Variants in APC observed in about 807,000 individuals in gnomAD.
APC encodes the protein APC regulator of Wnt signaling pathway, also known as adenomatous polyposis coli protein.
Under a neutral mutation model 247.0 loss-of-function variants are expected in APC, and 72 were observed. The ratio of observed to expected loss-of-function variants is 0.29; its 90% CI spans 0.24 to 0.35. APC has a LOEUF of 0.35. Ranked by LOEUF, APC falls within the 10% of genes least tolerant of loss-of-function variation. The pLI is 1.00. For missense variants in APC, 3,400 were observed against 3,360.7 expected, an observed-to-expected ratio of 1.01 and a Z score of -0.29; for synonymous variants, 1,254 against 1,162.5, an observed-to-expected ratio of 1.08 and a Z score of -1.60.
intron 1 of APC, among the ~76,000 whole-genome samples, chr5:112,726,294 A>T (rs1329148506): frequency 6.6e-6 from 1 of 152,170 alleles, no homozygotes; most frequent in Non-Finnish European, 1.5e-5. Context: ...GGATGAATGC[A>T]TGGGTTTTAT....
In APC at chr5:112,722,266, T is replaced by C. The variant is rs548375992; in HGVS notation, c.165+14384T>C. Among the ~76,000 whole-genome samples, 3 of 152,366 alleles carry C rather than the reference T, an allele frequency of 2.0e-5. No individual in the cohort carries two copies. The South Asian group carries it at 6.2e-4, about 32-fold the overall frequency. On this transcript the variant is annotated intron_variant, in intron 1 of 13. Transcript: ENST00000507379. ...AGTTACATAAATTTCCATACTATTA[T>C]GGCATTTTAAACACTGTGTGTTTCA...
chr5:112,739,884 A>G (rs1752796542), intron 1 of APC, among the ~76,000 whole-genome samples: 1 of 152,190 alleles, frequency 6.6e-6, no homozygotes, highest in East Asian at 1.9e-4. Flanking sequence ...ACCTTTTACC[A>G]TTTTAACAGC....
chr5:112,724,033 T>C (rs1260753250), intron 1 of APC, among the ~76,000 whole-genome samples: 1 of 152,190 alleles, frequency 6.6e-6, no homozygotes. Context: ...TCTGATCTTT[T>C]AACGGCTCCC....
Position 112,837,783 on chromosome 5 carries a change from T to C in APC, c.2189T>C (p.Met730Thr), listed in dbSNP as rs2149862828. 1 of 1,614,094 alleles carries C rather than the reference T, an allele frequency of 6.2e-7. No individual in the cohort carries two copies. The highest frequency in any genetic ancestry group is 8.5e-7 in the Non-Finnish European group (1 of 1,180,022). Residue 730 changes from methionine (M) to threonine (T), a missense_variant, in exon 16 of 16, where the codon ATG (methionine) becomes ACG (threonine). Met to Thr is a moderately conservative substitution (Grantham distance 81). Transcript: ENST00000257430. ...MGSAAALRNL[M>T]ANRPAKYKDA... ...AGTGCTGCAGCTTTAAGGAATCTCA[T>C]GGCAAATAGGCCTGCGAAGTACAAG...
In APC at chr5:112,815,576, A is replaced by G. The variant is rs1554079212; in HGVS notation, c.916A>G (p.Ser306Gly). Reference protein sequence around the residue: ...STHSAPRRLTSHLGTKVEMVY... With the variant: ...STHSAPRRLTGHLGTKVEMVY... ...ACACTCTGCACCTCGAAGGCTGACA[A>G]GTCATCTGGGAACCAAGGTAACAGA... The change falls in exon 9 of 16, where the codon AGT (serine) becomes GGT (glycine). Residue 306 changes from serine to glycine, a missense_variant. Coordinates refer to ENST00000257430, the MANE Select transcript of APC (RefSeq NM_000038.6). The G allele has an allele frequency of 6.2e-7, 1 of 1,611,238 alleles. No individual in the cohort carries two copies.
Position 112,845,446 on chromosome 5 carries a change from T to A in APC, c.*1320T>A, listed in dbSNP as rs373883680. The A allele has an allele frequency of 1.3e-5, 3 of 233,160 alleles. No individual in the cohort carries two copies. Among genetic ancestry groups the A allele is most frequent in the East Asian group, 1.2e-4 (2 of 16,530 alleles). The allele number at this position is 233,160 out of a possible 1,614,324, so 14.4% of individuals were successfully genotyped here. ...GTGTAAACTGTCTTGCCCCTTCATC[T>A]TCTTGTTGCAACTGGGTCTGACATG... On this transcript the variant is annotated 3_prime_UTR_variant, in exon 16 of 16. Coordinates refer to ENST00000257430, the MANE Select transcript of APC (RefSeq NM_000038.6).
chr5:112,832,811 G>T (rs928563920), intron 14 of APC, among the ~76,000 whole-genome samples: 1 of 152,070 alleles, frequency 6.6e-6, no homozygotes, highest in Non-Finnish European at 1.5e-5. Context: ...TTTTTCTTTG[G>T]AGCACTTTGT....
At chr5:112,738,176 C>T (rs551839067) in intron 1 of APC, among the ~76,000 whole-genome samples, 2 of 152,180 alleles carry the variant, frequency 1.3e-5, no homozygotes, top group African/African-American at 4.8e-5. Context: ...GGGGAGTCTG[C>T]TGAGAAAAGC....
intron 9 of APC, 110 bp downstream of exon 9, chr5:112,815,703 A>G (rs1036138123): frequency 2.6e-6 from 2 of 775,804 alleles, no homozygotes; most frequent in Middle Eastern, 2.6e-4. Context: ...TGGGAGGCCA[A>G]GGCAGGTGGA....
intron 1 of APC, among the ~76,000 whole-genome samples, chr5:112,749,956 C>G (rs1240419219): frequency 8.4e-6 from 1 of 118,372 alleles, no homozygotes; most frequent in Admixed American, 8.3e-5. Flanking sequence ...TTCTTTTTCT[C>G]TTTTTTTTTT....
intron 11 of APC, among the ~76,000 whole-genome samples, chr5:112,826,867 A>C (rs1763715656): frequency 6.6e-6 from 1 of 152,186 alleles, no homozygotes; most frequent in South Asian, 2.1e-4. Context: ...TCGCTCAGCA[A>C]GATAAGGGGC....
chr5:112,799,378 T>C (rs1392932728), intron 7 of APC, among the ~76,000 whole-genome samples: 2 of 151,668 alleles, frequency 1.3e-5, no homozygotes, highest in African/African-American at 4.9e-5. Context: ...AATGTAGGAG[T>C]AATACTCCAC....
Position 112,837,717 on chromosome 5 carries a change from A to G in APC, c.2123A>G (p.Lys708Arg), listed in dbSNP as rs587778030. 4 of 1,614,078 alleles carry G rather than the reference A, an allele frequency of 2.5e-6. No individual in the cohort carries two copies. The Admixed American group carries it at 5.0e-5, about 20-fold the overall frequency. ...GACATGGGGGCAGTTAGCATGCTCA[A>G]GAACCTCATTCATTCAAAGCACAAA... ...LWDMGAVSML[K>R]NLIHSKHKMI... The change falls in exon 16 of 16, where the codon AAG becomes AGG. Residue 708 changes from lysine to arginine, a missense_variant. By Grantham distance (26) the Lys-to-Arg change is conservative. This residue lies in a region of APC where 184 missense variants were observed against 248.0 expected (regional missense o/e 0.74). Coordinates refer to ENST00000257430, the MANE Select transcript of APC (RefSeq NM_000038.6).
chr5:112,801,629 TTG>T (rs2149713527), intron 8 of APC, among the ~76,000 whole-genome samples: 1 of 151,922 alleles, frequency 6.6e-6, no homozygotes, highest in African/African-American at 2.4e-5. Flanking sequence ...TCTAAAATGA[TTG>T]TGAGTAGTTT....
intron 7 of APC, among the ~76,000 whole-genome samples, chr5:112,797,921 G>A (rs1177699622): frequency 1.3e-5 from 2 of 152,136 alleles, no homozygotes; most frequent in Admixed American, 6.5e-5. Context: ...AATCATAAAG[G>A]CAATAATAAG....
intron 4 of APC, among the ~76,000 whole-genome samples, chr5:112,772,598 C>T (rs1036582134): frequency 6.6e-6 from 1 of 151,664 alleles, no homozygotes; most frequent in Admixed American, 6.6e-5. Flanking sequence ...CTCACTGCAA[C>T]CTCCGCCTCC....
At chr5:112,821,477 C>T (rs1228029332) in intron 10 of APC, among the ~76,000 whole-genome samples, 1 of 151,128 alleles carries the variant, frequency 6.6e-6, no homozygotes, top group Non-Finnish European at 1.5e-5. Flanking sequence ...CCACTCGAGC[C>T]TGGGCAACAG....
chr5:112,778,947 A>C (rs984087106), intron 5 of APC, among the ~76,000 whole-genome samples: 1 of 152,194 alleles, frequency 6.6e-6, no homozygotes. Flanking sequence ...AAATAGACAA[A>C]AAGGTAAAAA....
chr5:112,787,826 G>C (rs1480175254), intron 6 of APC, among the ~76,000 whole-genome samples: 1 of 152,004 alleles, frequency 6.6e-6, no homozygotes, highest in Non-Finnish European at 1.5e-5. Context: ...TTCCTGTACT[G>C]AAGTCGTAAA....
Sources: gnomAD v4.1 joint callset for allele counts (sites outside exome capture counted in the v4.1 genomes callset) on GRCh38, gnomAD v4.1.1 for gene constraint, gnomAD v4.1.1 regional missense constraint, MANE v1.5 for transcripts, NCBI Gene and HGNC (gene_info 2026-07-23, HGNC 2026-07-21) for gene names.